LAMB4: variants seen among roughly 807,000 people sequenced by gnomAD.
LAMB4 encodes the protein laminin subunit beta-4.
LAMB4 carries 196 observed loss-of-function variants against 199.2 expected under a neutral mutation model. The ratio of observed to expected loss-of-function variants is 0.98; its 90% CI spans 0.88 to 1.11. The LOEUF is 1.11. LAMB4 is among the 50% of genes least tolerant of loss of function. The pLI, the probability that LAMB4 is intolerant of heterozygous loss-of-function variation, is 0.00. For missense variants in LAMB4, 2,080 were observed against 2,171.2 expected (o/e 0.96, Z 0.83); for synonymous variants, 744 against 770.6 (o/e 0.97, Z 0.57).
intron 6 of LAMB4, 28 bp from the exon 7 acceptor site, chr7:108,106,600 A>T: frequency 8.1e-7 from 1 of 1,231,876 alleles, no homozygotes. Context: ...ATACATTTAT[A>T]GTATATTACC....
chr7:108,107,469 G>A (rs2038063904), intron 6 of LAMB4, among the ~76,000 whole-genome samples, 162 bp downstream of exon 6: 2 of 152,150 alleles, frequency 1.3e-5, no homozygotes, highest in African/African-American at 2.4e-5. Context: ...AATGTATTTA[G>A]TATTTATTTG....
In LAMB4 at chr7:108,062,935, A is replaced by G. The variant is rs2036215209; in HGVS notation, c.3121T>C (p.Cys1041Arg). ...PMECPPGGGACLCDPVTGACP... is the reference protein window; with the variant it reads ...PMECPPGGGARLCDPVTGACP... ...GCACCAGTGACAGGGTCACAGAGGC[A>G]AGCTCCCCCACCAGGGGGACACTCC... The change falls in exon 23 of 34, where the codon TGC becomes CGC. Residue 1041 changes from cysteine (C) to arginine (R), a missense_variant. Physicochemically the swap from Cys to Arg is radical, Grantham distance 180. Transcript: ENST00000388781. 1 of 1,608,874 alleles carries G rather than the reference A, an allele frequency of 6.2e-7. No individual in the cohort carries two copies. The highest frequency in any genetic ancestry group is 1.3e-5 in the African/African-American group (1 of 74,720).
At chr7:108,047,591 G>A (rs1584626947) in intron 28 of LAMB4, among the ~76,000 whole-genome samples, 1 of 152,128 alleles carries the variant, frequency 6.6e-6, no homozygotes, top group Non-Finnish European at 1.5e-5. Context: ...TGGGCTATTA[G>A]CAGTTAAATT....
chr7:108,129,083 A>C (rs2038891980), intron 1 of LAMB4, among the ~76,000 whole-genome samples: 1 of 152,224 alleles, frequency 6.6e-6, no homozygotes, highest in Admixed American at 6.5e-5. Flanking sequence ...TTTACTGACC[A>C]TTCACTTATA....
At chr7:108,038,949 A>G (rs1439797403) in intron 29 of LAMB4, among the ~76,000 whole-genome samples, 2 of 152,212 alleles carry the variant, frequency 1.3e-5, no homozygotes, top group South Asian at 4.1e-4. Flanking sequence ...AACAGAAGTG[A>G]TCAATATAAG....
Position 108,107,823 on chromosome 7 carries a change from G to C in LAMB4, c.403-4C>G, listed in dbSNP as rs2038079909. 1.9e-6 allele frequency: 3 copies of C among 1,569,384 alleles called. No homozygotes were observed. The highest frequency in any genetic ancestry group is 1.2e-5 in the South Asian group (1 of 84,042). ...ACATTGCAGCAGGCCGAAAAGTCTA[G>C]GAAAAATGAGTAAAAGTTGGCACAT... On this transcript the variant is annotated splice_polypyrimidine_tract_variant and splice_region_variant and intron_variant, in intron 5 of 33. Transcript: ENST00000388781.
downstream of LAMB4, among the ~76,000 whole-genome samples, chr7:108,021,783 T>A (rs1363820020): frequency 6.6e-6 from 1 of 152,198 alleles, no homozygotes; most frequent in Non-Finnish European, 1.5e-5. Flanking sequence ...TTATTCATAT[T>A]GATTACATTT....
intron 22 of LAMB4, among the ~76,000 whole-genome samples, chr7:108,063,330 CATG>C (rs993316428): frequency 6.6e-6 from 1 of 152,154 alleles, no homozygotes; most frequent in African/African-American, 2.4e-5. Flanking sequence ...ATTACAGTCA[CATG>C]ATGAGTTTGT....
chr7:108,022,560 A>G (rs2034714391), downstream of LAMB4, among the ~76,000 whole-genome samples: 1 of 152,190 alleles, frequency 6.6e-6, no homozygotes, highest in Non-Finnish European at 1.5e-5. Flanking sequence ...ATTACTGAGG[A>G]ATGAGATTTT....
At chr7:108,044,971 AAAAGAAAAGAAAAG>A (rs2035568923) in intron 28 of LAMB4, among the ~76,000 whole-genome samples, 1 of 144,100 alleles carries the variant, frequency 6.9e-6, no homozygotes, top group Non-Finnish European at 1.5e-5. Context: ...AAAAAAAAAA[AAAAGAAAAGAAAAG>A]AAAAAAAAGA....
intron 2 of LAMB4, 123 bp from the exon 3 acceptor site, chr7:108,116,284 C>A: frequency 1.0e-6 from 1 of 954,328 alleles, no homozygotes; most frequent in East Asian, 2.7e-5. Flanking sequence ...ATGTATCAGA[C>A]TTTTAAGTTT....
At chr7:108,120,550 A>G (rs76807697) in intron 2 of LAMB4, among the ~76,000 whole-genome samples, 6,833 of 152,316 alleles carry the variant, frequency 0.045, 188 homozygotes, top group Admixed American at 0.062. Flanking sequence ...TCCATTGGAC[A>G]CTTGCTGTTT....
chr7:108,112,796 G>A (rs2038278042), intron 3 of LAMB4, among the ~76,000 whole-genome samples: 1 of 152,186 alleles, frequency 6.6e-6, no homozygotes, highest in South Asian at 2.1e-4. Context: ...CTGGGAAGCG[G>A]GGGCTGATCA....
chr7:108,091,378 T>C (rs1253210815), intron 14 of LAMB4, among the ~76,000 whole-genome samples: 1 of 152,162 alleles, frequency 6.6e-6, no homozygotes, highest in African/African-American at 2.4e-5. Flanking sequence ...TTCATCATAA[T>C]TTGATCCGTT....
At chr7:108,042,991 A>C (rs1219466776) in intron 29 of LAMB4, among the ~76,000 whole-genome samples, 1 of 133,518 alleles carries the variant, frequency 7.5e-6, no homozygotes, top group Non-Finnish European at 1.5e-5. Context: ...GTGTACAGAG[A>C]GTAAGGTTTC....
chr7:108,059,690 C>T (rs10280606), intron 23 of LAMB4, among the ~76,000 whole-genome samples: 2,546 of 152,086 alleles, frequency 0.017, 76 homozygotes, highest in African/African-American at 0.057. Flanking sequence ...GCTTCTTTGG[C>T]AGCCCTGCCA....
In LAMB4 at chr7:108,055,896, C is replaced by T. The variant is rs2035967140; in HGVS notation, c.3491G>A (p.Gly1164Glu). Reference protein sequence around the residue: ...SGQRCDRCARGHSQEFPTCLQ... With the variant: ...SGQRCDRCAREHSQEFPTCLQ... ...ACAAGTAGGGAATTCCTGGCTGTGT[C>T]CCCGGGCACAGCGATCACATCTCTG... Residue 1164 changes from glycine to glutamate, a missense_variant, in exon 25 of 34, where the codon GGA becomes GAA. Physicochemically the swap from Gly to Glu is moderately conservative, Grantham distance 98. Coordinates refer to ENST00000388781, the MANE Select transcript of LAMB4 (RefSeq NM_007356.3). 1 of 1,614,128 alleles carries T rather than the reference C, an allele frequency of 6.2e-7. No individual in the cohort carries two copies.
At chr7:108,098,892 G>C (rs559094329) in intron 10 of LAMB4, among the ~76,000 whole-genome samples, 1 of 152,272 alleles carries the variant, frequency 6.6e-6, no homozygotes, top group African/African-American at 2.4e-5. Context: ...ATTCTTCTGG[G>C]GATGATGAGA....
At chr7:108,103,635 C>A (rs62468035) in intron 9 of LAMB4, among the ~76,000 whole-genome samples, 1 of 152,090 alleles carries the variant, frequency 6.6e-6, no homozygotes, top group Admixed American at 6.5e-5. Context: ...CTAGAGAAGA[C>A]GGCAGAGGAA....
Sources: allele counts gnomAD v4.1 joint callset (sites outside exome capture counted in the v4.1 genomes callset), GRCh38; gene constraint gnomAD v4.1.1; transcripts MANE v1.5; gene names NCBI Gene and HGNC (gene_info 2026-07-23, HGNC 2026-07-21).